SEPTIN9: variants seen among roughly 807,000 people sequenced by gnomAD.
The protein encoded by SEPTIN9 is septin 9, also known as septin-9.
Under a neutral mutation model 56.6 loss-of-function variants are expected in SEPTIN9, and 13 were observed. The observed-to-expected ratio is 0.23, with a 90% CI of 0.15 to 0.37. SEPTIN9 has a LOEUF of 0.37. SEPTIN9 is among the 10% of genes least tolerant of loss of function. The probability of loss-of-function intolerance (pLI) is 1.00; values close to 1 mark genes in which losing one functional copy is unlikely to be tolerated. For synonymous variants in SEPTIN9, 332 were observed against 334.1 expected (o/e 0.99, Z 0.07); for missense variants, 650 against 823.1 (o/e 0.79, Z 2.57).
chr17:77,357,103 G>A (rs143331355), intron 2 of SEPTIN9, among the ~76,000 whole-genome samples: 149 of 152,198 alleles, frequency 9.8e-4, no homozygotes, highest in African/African-American at 2.6e-3. Context: ...CTCACTCAGT[G>A]TCTGTCATGC....
In SEPTIN9 at chr17:77,437,495, G is replaced by T. The variant is rs2037385209; in HGVS notation, c.721+34792G>T. 6.6e-6 allele frequency among the ~76,000 whole-genome samples: 1 copy of T among 152,106 alleles called. No homozygotes were observed. The highest frequency in any genetic ancestry group is 6.5e-5 in the Admixed American group (1 of 15,270). ...GGGATGGCTCTCAGTACTCTCGGGG[G>T]TCTCTCAGTGAGGTGGGAGGACCTC... On this transcript the variant is annotated intron_variant, in intron 3 of 11. Transcript: ENST00000427177. This position sits in a 1 kb window ranked among gnomAD's most constrained non-coding sequence, Gnocchi z 5.3.
chr17:77,484,545 T>C (rs975482596), intron 4 of SEPTIN9, among the ~76,000 whole-genome samples: 5 of 146,984 alleles, frequency 3.4e-5, no homozygotes, highest in Non-Finnish European at 7.4e-5. Context: ...GTGGTGGTGA[T>C]GGTGGTGATG....
intron 3 of SEPTIN9, among the ~76,000 whole-genome samples, chr17:77,477,216 G>T (rs1285986210): frequency 6.6e-6 from 1 of 151,882 alleles, no homozygotes; most frequent in African/African-American, 2.4e-5. Context: ...ACAGTTGAGT[G>T]GCATTTTTTC....
chr17:77,305,909 GGGGTGGGT>G (rs879943896), intron 1 of SEPTIN9, among the ~76,000 whole-genome samples: 1 of 101,104 alleles, frequency 9.9e-6, no homozygotes, highest in African/African-American at 4.2e-5. Flanking sequence ...GGTGGGTGGG[GGGGTGGGT>G]GGGTGGGTGG....
intron 1 of SEPTIN9, among the ~76,000 whole-genome samples, chr17:77,283,403 C>T (rs1463577828): frequency 6.6e-6 from 1 of 151,954 alleles, no homozygotes; most frequent in Non-Finnish European, 1.5e-5. Flanking sequence ...TGGAGTGGGA[C>T]TGGAGGGGGC....
intron 2 of SEPTIN9, among the ~76,000 whole-genome samples, chr17:77,387,522 G>A (rs2035378954): frequency 6.6e-6 from 1 of 152,214 alleles, no homozygotes; most frequent in Admixed American, 6.5e-5. Flanking sequence ...CTTAGGGGAA[G>A]CAGAATGTTC....
At position 77,476,924 on chromosome 17, in the gene SEPTIN9, T is replaced by C. The variant is rs1390533951; in HGVS notation, c.722-5220T>C. 6.6e-6 allele frequency among the ~76,000 whole-genome samples: 1 copy of C among 152,214 alleles called. No homozygotes were observed. The highest frequency in any genetic ancestry group is 1.5e-5 in the Non-Finnish European group (1 of 68,034). On this transcript the variant is annotated intron_variant, in intron 3 of 11. Coordinates refer to ENST00000427177, the MANE Select transcript of SEPTIN9 (RefSeq NM_001113491.2). The surrounding 1 kb of genome is among the most constrained non-coding windows in gnomAD (Gnocchi z 6.0). ...CACTTGTGGAAAACACTGGACTCTT[T>C]ATTTTATTTTACTTTACATTCTGGG...
chr17:77,373,326 C>T (rs906753567), intron 2 of SEPTIN9: 30 of 1,169,578 alleles, frequency 2.6e-5, no homozygotes, highest in Non-Finnish European at 3.1e-5. Context: ...CGGCGCCCGC[C>T]TTCCTCCCCC....
intron 3 of SEPTIN9, among the ~76,000 whole-genome samples, chr17:77,438,220 C>T (rs1046059347): frequency 6.6e-6 from 1 of 152,242 alleles, no homozygotes; most frequent in Non-Finnish European, 1.5e-5. Flanking sequence ...CACACTGCCT[C>T]ACTCTGCGCT....
At chr17:77,301,134 G>A (rs2032035233) in intron 1 of SEPTIN9, among the ~76,000 whole-genome samples, 1 of 151,970 alleles carries the variant, frequency 6.6e-6, no homozygotes, top group African/African-American at 2.4e-5. Context: ...AGGAGCCACA[G>A]GGAAACAAAC....
At position 77,492,750 on chromosome 17, in the gene SEPTIN9, G is replaced by A; in HGVS notation, c.1476+34G>A. The A allele has an allele frequency of 6.3e-7, 1 of 1,584,064 alleles. No individual in the cohort carries two copies. The highest frequency in any genetic ancestry group is 1.1e-5 in the South Asian group (1 of 90,428). ...ATCCACTAGGATGTTGTTCCCAGGG[G>A]ACCCCCAGTTCCTGCTGAAGGGTGG... On this transcript the variant is annotated intron_variant, in intron 9 of 11. Coordinates refer to ENST00000427177, the MANE Select transcript of SEPTIN9 (RefSeq NM_001113491.2). This position sits in a 1 kb window ranked among gnomAD's most constrained non-coding sequence, Gnocchi z 5.4.
At chr17:77,298,097 A>G (rs988336640) in intron 1 of SEPTIN9, among the ~76,000 whole-genome samples, 1 of 152,216 alleles carries the variant, frequency 6.6e-6, no homozygotes, top group Non-Finnish European at 1.5e-5. Flanking sequence ...AAGCTCAGTC[A>G]TTTCCTCCTT....
chr17:77,444,708 G>A (rs986876924), intron 3 of SEPTIN9: 1 of 197,488 alleles, frequency 5.1e-6, no homozygotes, highest in African/African-American at 2.4e-5. Flanking sequence ...GTGCGTGTCA[G>A]GCACTGCCCT....
chr17:77,298,773 A>G (rs1464778769), intron 1 of SEPTIN9, among the ~76,000 whole-genome samples: 1 of 152,134 alleles, frequency 6.6e-6, no homozygotes, highest in African/African-American at 2.4e-5. Flanking sequence ...CTTTGGAACA[A>G]CATGCAATCC....
At chr17:77,486,229 C>T (rs868401834) in intron 4 of SEPTIN9, among the ~76,000 whole-genome samples, 3 of 152,084 alleles carry the variant, frequency 2.0e-5, no homozygotes, top group South Asian at 2.1e-4. Context: ...CAGCCTCCTG[C>T]GTAGCTGGGA....
chr17:77,350,214 C>A (rs1042437784), intron 2 of SEPTIN9, among the ~76,000 whole-genome samples: 1 of 144,888 alleles, frequency 6.9e-6, no homozygotes, highest in Admixed American at 6.8e-5. Context: ...CAGGGTGGGT[C>A]GGCTCCTCAC....
Position 77,456,933 on chromosome 17 carries a change from C to T in SEPTIN9, c.722-25211C>T, listed in dbSNP as rs1438044676. Reference sequence around the variant, plus strand: ...CAGGTCTCAGGGACCAGCGCTGGGACCCTGGATGACTGAAGGAGGGCACGG... The same window carrying T: ...CAGGTCTCAGGGACCAGCGCTGGGATCCTGGATGACTGAAGGAGGGCACGG... On this transcript the variant is annotated intron_variant, in intron 3 of 11. Transcript: ENST00000427177. The surrounding 1 kb of genome is among the most constrained non-coding windows in gnomAD (Gnocchi z 6.0). Among the ~76,000 whole-genome samples, 1 of 152,232 alleles carries T rather than the reference C, an allele frequency of 6.6e-6. No individual in the cohort carries two copies. The highest frequency in any genetic ancestry group is 1.5e-5 in the Non-Finnish European group (1 of 68,046).
chr17:77,422,707 C>T (rs943812483), intron 3 of SEPTIN9, among the ~76,000 whole-genome samples: 13 of 152,146 alleles, frequency 8.5e-5, no homozygotes, highest in African/African-American at 2.9e-4. Context: ...ACTGGGCCCA[C>T]AGAAGCTTTT....
rs542589871 is a variant in SEPTIN9 at position 77,419,370 on chromosome 17, G to A, written c.721+16667G>A. On this transcript the variant is annotated intron_variant, in intron 3 of 11. Coordinates refer to ENST00000427177, the MANE Select transcript of SEPTIN9 (RefSeq NM_001113491.2). ...AGGCCCGTGGTCAGCAGCAGCCGCC[G>A]CAGGGACCCCGGCGCTGTACCTGTG... Among the ~76,000 whole-genome samples the A allele has an allele frequency of 3.6e-3, 554 of 152,246 alleles. 18 individuals carry two copies. The South Asian group carries it at 0.075, about 21-fold the overall frequency.
Sources: allele counts gnomAD v4.1 joint callset (sites outside exome capture counted in the v4.1 genomes callset), GRCh38; gene constraint gnomAD v4.1.1; non-coding constraint Gnocchi (gnomAD v3.1); transcripts MANE v1.5; gene names NCBI Gene and HGNC (gene_info 2026-07-23, HGNC 2026-07-21).